The following EPHA5 variants were observed in gnomAD, a reference collection of about 807,000 sequenced individuals.
The protein encoded by EPHA5 is ephrin type-A receptor 5.
A neutral mutation model predicts 105.0 loss-of-function variants in EPHA5; 60 were observed. That is an observed-to-expected ratio of 0.57 (90% CI 0.46 to 0.71). The LOEUF is 0.71. EPHA5 is among the 30% of genes least tolerant of loss of function. EPHA5 has a pLI of 0.00. For synonymous variants in EPHA5, 513 were observed against 449.1 expected (o/e 1.14, Z -1.80); for missense variants, 1,218 against 1,274.7 (o/e 0.96, Z 0.68).
chr4:65,379,237 T>TA (rs1397032932), intron 8 of EPHA5, among the ~76,000 whole-genome samples: 1 of 150,264 alleles, frequency 6.7e-6, no homozygotes, highest in African/African-American at 2.4e-5. Flanking sequence ...TTATCTTAAT[T>TA]AAAAAATAAG....
At chr4:65,607,246 T>C (rs983559968) in intron 2 of EPHA5, among the ~76,000 whole-genome samples, 1 of 151,980 alleles carries the variant, frequency 6.6e-6, no homozygotes, top group African/African-American at 2.4e-5. Flanking sequence ...ACCTAGGCAA[T>C]ACCATTCAGG....
chr4:65,395,926 A>G (rs1348945613), intron 8 of EPHA5, among the ~76,000 whole-genome samples: 1 of 152,170 alleles, frequency 6.6e-6, no homozygotes, highest in Non-Finnish European at 1.5e-5. Flanking sequence ...GGCCATGGTT[A>G]TGCGCTCTAT....
At chr4:65,547,523 G>A (rs1394726054) in intron 3 of EPHA5, among the ~76,000 whole-genome samples, 3 of 151,836 alleles carry the variant, frequency 2.0e-5, no homozygotes, top group Admixed American at 2.0e-4. Context: ...TAAAGGTGAT[G>A]TTCCGGTTAA....
chr4:65,483,983 C>T (rs1337041578), intron 5 of EPHA5, among the ~76,000 whole-genome samples: 1 of 152,110 alleles, frequency 6.6e-6, no homozygotes, highest in Non-Finnish European at 1.5e-5. Context: ...TTTAACTTAC[C>T]TATTCAGTCT....
At chr4:65,590,705 T>C (rs1742552583) in intron 3 of EPHA5, among the ~76,000 whole-genome samples, 1 of 152,154 alleles carries the variant, frequency 6.6e-6, no homozygotes, top group Admixed American at 6.5e-5. Context: ...TAGTTTTCTA[T>C]GCAACCCTTG....
intron 5 of EPHA5, among the ~76,000 whole-genome samples, chr4:65,453,272 T>C (rs1727243045): frequency 6.6e-6 from 1 of 152,210 alleles, no homozygotes; most frequent in African/African-American, 2.4e-5. Context: ...ACTAAATATT[T>C]CACTAAGCAA....
rs757991950 is a variant in EPHA5, at chr4:65,495,473, A to G, written c.981T>C (p.Tyr327=). ...QSCGKCPPHS[Y]THEEASTSCV... is the part of the protein sequence containing the mutation. Reference sequence around the variant, plus strand: ...AAGAGGTTGAAGCTTCCTCATGGGTATAACTGTGAGGTGGACATTTGCCGC... The same window carrying G: ...AAGAGGTTGAAGCTTCCTCATGGGTGTAACTGTGAGGTGGACATTTGCCGC... Residue 327 remains tyrosine, a synonymous_variant, in exon 4 of 17, where the codon TAT becomes TAC. Coordinates refer to ENST00000613740, the MANE Select transcript of EPHA5 (RefSeq NM_001281766.3). 4 of 1,613,904 alleles carry G rather than the reference A, an allele frequency of 2.5e-6. No homozygotes were observed. The highest frequency in any genetic ancestry group is 2.2e-5 in the East Asian group (1 of 44,858).
intron 3 of EPHA5, among the ~76,000 whole-genome samples, chr4:65,554,998 A>G (rs1738278992): frequency 6.7e-6 from 1 of 149,838 alleles, no homozygotes; most frequent in Admixed American, 6.7e-5. Context: ...AAAAAAAAAA[A>G]AAAAAAAAAA....
chr4:65,333,577 G>GTGTT (rs913285509), intron 15 of EPHA5, among the ~76,000 whole-genome samples: 1 of 112,130 alleles, frequency 8.9e-6, no homozygotes, highest in Admixed American at 9.7e-5. Context: ...GTGTGTGTGT[G>GTGTT]TGCTGGATTC....
At position 65,574,641 on chromosome 4, in the gene EPHA5, C is replaced by CAT. The variant is rs752109599; in HGVS notation, c.910+26999_910+27000insAT. On this transcript the variant is annotated intron_variant, in intron 3 of 16. Transcript: ENST00000613740. ...ATATATATATACACATATATATATA[C>CAT]ACATATATATACACATATATATATA... 5.3e-3 allele frequency among the ~76,000 whole-genome samples: 373 copies of CAT among 69,998 alleles called. 6 individuals carry two copies. Among genetic ancestry groups the CAT allele is most frequent in the East Asian group, 0.011 (30 of 2,788 alleles). 45.9% of individuals were successfully genotyped at this position (69,998 alleles called of 152,430 possible). A position where few individuals can be genotyped will look rare whatever the true frequency, so the allele number is the denominator to read the frequency against.
rs190493889 is a variant in EPHA5 at position 65,625,868 on chromosome 4, T to A, written c.246+17495A>T. Reference sequence around the variant, plus strand: ...GACTCACGCTTGTAATCCCAGCACTTTAGGAGGCCGAGGCGGGAGGATCAT... The same window carrying A: ...GACTCACGCTTGTAATCCCAGCACTATAGGAGGCCGAGGCGGGAGGATCAT... On this transcript the variant is annotated intron_variant, in intron 2 of 16. Transcript: ENST00000613740. Among the ~76,000 whole-genome samples, 79 of 152,158 alleles carry A rather than the reference T, an allele frequency of 5.2e-4. 3 individuals carry two copies. In the East Asian group the frequency reaches 0.015, roughly 29 times the overall value.
At chr4:65,558,174 G>T (rs1444776111) in intron 3 of EPHA5, among the ~76,000 whole-genome samples, 1 of 152,066 alleles carries the variant, frequency 6.6e-6, no homozygotes, top group Non-Finnish European at 1.5e-5. Context: ...ACCACACCTG[G>T]CCCAAAATTC....
At chr4:65,629,066 A>G (rs1746400711) in intron 2 of EPHA5, among the ~76,000 whole-genome samples, 1 of 152,232 alleles carries the variant, frequency 6.6e-6, no homozygotes, top group Non-Finnish European at 1.5e-5. Context: ...GTTCACATTG[A>G]TAAAATATGT....
intron 3 of EPHA5, among the ~76,000 whole-genome samples, chr4:65,549,273 G>A (rs572698344): frequency 6.6e-6 from 1 of 152,050 alleles, no homozygotes; most frequent in African/African-American, 2.4e-5. Flanking sequence ...CTGATCAAAA[G>A]CATCCTTAAG....
At chr4:65,662,978 G>C (rs901552925) in intron 1 of EPHA5, among the ~76,000 whole-genome samples, 1 of 152,064 alleles carries the variant, frequency 6.6e-6, no homozygotes, top group Non-Finnish European at 1.5e-5. Flanking sequence ...AGGAAAGAAG[G>C]CATGCCCTAG....
chr4:65,355,569 GTTCT>G (rs1328905330), intron 11 of EPHA5, among the ~76,000 whole-genome samples: 1 of 151,390 alleles, frequency 6.6e-6, no homozygotes, highest in Non-Finnish European at 1.5e-5. Flanking sequence ...CTGAAGTCCT[GTTCT>G]TTCAAGAATA....
In EPHA5 at chr4:65,601,890, T is replaced by C. The variant is rs776499647; in HGVS notation, c.661A>G (p.Ile221Val). 10 of 1,614,158 alleles carry C rather than the reference T, an allele frequency of 6.2e-6. No homozygotes were observed. Among genetic ancestry groups the C allele is most frequent in the African/African-American group, 1.3e-5 (1 of 75,022 alleles). The change falls in exon 3 of 17, where the codon ATT (isoleucine) becomes GTT (valine). Residue 221 changes from isoleucine to valine, a missense_variant. Coordinates refer to ENST00000613740, the MANE Select transcript of EPHA5 (RefSeq NM_001281766.3). ...TATACACGCACAGAAACCAGAGCAA[T>C]GCAAGCACCAACATCTTGAAAAGCA... ...YLAFQDVGAC[I>V]ALVSVRVYYK...
intron 3 of EPHA5, among the ~76,000 whole-genome samples, chr4:65,525,298 T>A (rs1294559633): frequency 6.6e-6 from 1 of 151,816 alleles, no homozygotes; most frequent in East Asian, 1.9e-4. Flanking sequence ...TAATTTAATA[T>A]AATTTCATTC....
chr4:65,548,576 ACT>A (rs754060768), intron 3 of EPHA5, among the ~76,000 whole-genome samples: 16 of 152,084 alleles, frequency 1.1e-4, no homozygotes, highest in Middle Eastern at 3.4e-3. Context: ...AATTGAAGAA[ACT>A]CTGATCCAAA....
Sources: gnomAD v4.1 joint callset for allele counts (sites outside exome capture counted in the v4.1 genomes callset) on GRCh38, gnomAD v4.1.1 for gene constraint, MANE v1.5 for transcripts, NCBI Gene and HGNC (gene_info 2026-07-23, HGNC 2026-07-21) for gene names.